DAB2IP: variants seen among roughly 807,000 people sequenced by gnomAD.
DAB2IP encodes DAB2 interacting protein, also known as disabled homolog 2-interacting protein.
A neutral mutation model predicts 107.2 loss-of-function variants in DAB2IP; 28 were observed. That is an observed-to-expected ratio of 0.26 (90% CI 0.19 to 0.36). The LOEUF (loss-of-function observed/expected upper bound fraction) is 0.36, where lower values mean the gene tolerates loss of function less well. Among genes scored for constraint, DAB2IP ranks in the 10% least tolerant of loss-of-function variants. The pLI, the probability that DAB2IP is intolerant of heterozygous loss-of-function variation, is 1.00. For synonymous variants in DAB2IP, 755 were observed against 706.4 expected (o/e 1.07, Z -1.09); for missense variants, 1,400 against 1,644.7 (o/e 0.85, Z 2.57).
chr9:121,608,842 A>C (rs986442600), intron 1 of DAB2IP, among the ~76,000 whole-genome samples: 5 of 152,082 alleles, frequency 3.3e-5, no homozygotes, highest in African/African-American at 1.2e-4. Context: ...TAGGGGGAGC[A>C]CCCCGTTTTC....
At chr9:121,719,729 C>T (rs549727004) in intron 3 of DAB2IP, among the ~76,000 whole-genome samples, 61 of 152,272 alleles carry the variant, frequency 4.0e-4, no homozygotes, top group African/African-American at 1.4e-3. Context: ...GAGAGGTGTG[C>T]TTGTTTTAGA....
At chr9:121,695,956 C>T (rs889055840) in intron 2 of DAB2IP, among the ~76,000 whole-genome samples, 2 of 152,160 alleles carry the variant, frequency 1.3e-5, no homozygotes, top group Non-Finnish European at 2.9e-5. Flanking sequence ...GCAGCCTCCA[C>T]CTCCTGGGTT....
chr9:121,652,046 C>G (rs982487543), intron 1 of DAB2IP, 147 bp downstream of exon 1: 1 of 717,450 alleles, frequency 1.4e-6, no homozygotes, highest in Non-Finnish European at 1.9e-6. Context: ...GCCGGACCCC[C>G]CATTCCCCCA....
chr9:121,738,051 G>A (rs935950352), intron 3 of DAB2IP, among the ~76,000 whole-genome samples: 30 of 152,124 alleles, frequency 2.0e-4, no homozygotes, highest in Non-Finnish European at 2.1e-4. Flanking sequence ...GTGGGGAGGT[G>A]GGCTGGGGGG....
At chr9:121,731,116 G>A (rs1831511134) in intron 3 of DAB2IP, among the ~76,000 whole-genome samples, 1 of 152,314 alleles carries the variant, frequency 6.6e-6, no homozygotes, top group South Asian at 2.1e-4. Flanking sequence ...CATCTTCTGG[G>A]CCTACAGCCT....
intron 3 of DAB2IP, among the ~76,000 whole-genome samples, chr9:121,755,410 C>T (rs1021392671): frequency 3.3e-5 from 5 of 152,238 alleles, no homozygotes; most frequent in Non-Finnish European, 5.9e-5. Context: ...GGGTTCCCCC[C>T]TGTCTTGAAC....
At chr9:121,571,532 T>TGATGGG (rs150102836) in intron 1 of DAB2IP, among the ~76,000 whole-genome samples, 8,150 of 151,928 alleles carry the variant, frequency 0.054, 788 homozygotes, top group African/African-American at 0.19. Flanking sequence ...TCAGGAACAT[T>TGATGGG]GATGGGGATG....
chr9:121,577,893 G>A (rs1054615269), intron 1 of DAB2IP, among the ~76,000 whole-genome samples: 7 of 152,324 alleles, frequency 4.6e-5, no homozygotes, highest in South Asian at 2.1e-4. Flanking sequence ...GCAGCCTGAG[G>A]TCAGGGCGTC....
At chr9:121,664,853 AATC>A (rs1833352957) in intron 1 of DAB2IP, among the ~76,000 whole-genome samples, 1 of 152,240 alleles carries the variant, frequency 6.6e-6, no homozygotes, top group African/African-American at 2.4e-5. Context: ...TAGAACATAA[AATC>A]ATGATCTATT....
chr9:121,715,505 A>G (rs1830551656), intron 3 of DAB2IP, among the ~76,000 whole-genome samples: 1 of 151,134 alleles, frequency 6.6e-6, no homozygotes, highest in East Asian at 1.9e-4. Context: ...GGCACCTACC[A>G]CCACACCCGG....
intron 1 of DAB2IP, among the ~76,000 whole-genome samples, chr9:121,572,788 G>T (rs1386128592): frequency 6.6e-6 from 1 of 152,154 alleles, no homozygotes; most frequent in Non-Finnish European, 1.5e-5. Flanking sequence ...ACAGGAGCGG[G>T]GGTTGGGCTC....
chr9:121,724,556 G>A (rs533050641), intron 3 of DAB2IP, among the ~76,000 whole-genome samples: 1 of 152,340 alleles, frequency 6.6e-6, no homozygotes, highest in South Asian at 2.1e-4. Flanking sequence ...TACGCCACAT[G>A]CAAGTAGAAC....
chr9:121,717,842 G>A (rs1830693643), intron 3 of DAB2IP, among the ~76,000 whole-genome samples: 1 of 152,180 alleles, frequency 6.6e-6, no homozygotes, highest in Non-Finnish European at 1.5e-5. Context: ...GTACCACACA[G>A]TGATGGGTGT....
intron 3 of DAB2IP, among the ~76,000 whole-genome samples, chr9:121,747,680 G>A (rs943052271): frequency 1.3e-5 from 2 of 152,028 alleles, no homozygotes; most frequent in East Asian, 1.9e-4. Flanking sequence ...AGGGCACTTC[G>A]CTGTTCTGCT....
At chr9:121,759,049 TAGG>T in intron 5 of DAB2IP, 53 bp downstream of exon 5, 2 of 1,543,446 alleles carry the variant, frequency 1.3e-6, no homozygotes, top group East Asian at 2.3e-5. Context: ...TAGGCTCAGA[TAGG>T]AGGAAACAAG....
chr9:121,722,651 A>G (rs781617922), intron 3 of DAB2IP, among the ~76,000 whole-genome samples: 12 of 152,114 alleles, frequency 7.9e-5, no homozygotes, highest in African/African-American at 1.2e-4. Flanking sequence ...GGTTTGAAGA[A>G]GAAACTCAAG....
At chr9:121,712,784 G>A (rs1019072818) in intron 3 of DAB2IP, among the ~76,000 whole-genome samples, 1 of 152,204 alleles carries the variant, frequency 6.6e-6, no homozygotes, top group Admixed American at 6.5e-5. Context: ...ATGTTAATGG[G>A]TACTTGGGAT....
chr9:121,762,141 C>T lies in DAB2IP; in HGVS notation c.1171-1364C>T, dbSNP rs142340380. ...AATACTTGGGAACTAGCCCCTCTTC[C>T]GTCTCCACGGCTAGAGGAGTAACGG... On this transcript the variant is annotated intron_variant, in intron 6 of 15. Transcript: ENST00000408936. Among the ~76,000 whole-genome samples, 890 of 152,294 alleles carry T rather than the reference C, an allele frequency of 5.8e-3. 10 individuals are homozygous for T. Among genetic ancestry groups the T allele is most frequent in the African/African-American group, 0.02 (847 of 41,546 alleles).
intron 3 of DAB2IP, among the ~76,000 whole-genome samples, chr9:121,706,427 A>G (rs1427063725): frequency 6.6e-6 from 1 of 152,012 alleles, no homozygotes; most frequent in African/African-American, 2.4e-5. Flanking sequence ...ACTCTCCACC[A>G]AGGGCCCAAC....
Sources: allele counts gnomAD v4.1 joint callset (sites outside exome capture counted in the v4.1 genomes callset), GRCh38; gene constraint gnomAD v4.1.1; transcripts MANE v1.5; gene names NCBI Gene and HGNC (gene_info 2026-07-23, HGNC 2026-07-21).